Variants in EPHA10 observed in about 807,000 individuals in gnomAD.
EPHA10 encodes ephrin type-A receptor 10.
Under a neutral mutation model 109.7 loss-of-function variants are expected in EPHA10, and 120 were observed. The ratio of observed to expected loss-of-function variants is 1.09; its 90% CI spans 0.94 to 1.27. EPHA10 has a LOEUF of 1.27. EPHA10 is among the 50% of genes most tolerant of loss of function. EPHA10 has a pLI of 0.00. For missense variants in EPHA10, 1,396 were observed against 1,411.1 expected, an observed-to-expected ratio of 0.99 and a Z score of 0.17; for synonymous variants, 640 against 618.9, an observed-to-expected ratio of 1.03 and a Z score of -0.51.
intron 11 of EPHA10, 52 bp from the exon 12 acceptor site, chr1:37,720,896 C>T (rs763827262): frequency 2.0e-5 from 31 of 1,583,404 alleles, no homozygotes; most frequent in Middle Eastern, 3.3e-4. Flanking sequence ...CCACTCCGCA[C>T]GCACACAAGT....
chr1:37,752,035 C>T (rs575454), intron 5 of EPHA10, among the ~76,000 whole-genome samples: 52,795 of 151,898 alleles, frequency 0.35, 9,194 homozygotes, highest in Middle Eastern at 0.47. Flanking sequence ...AAGACAGAAG[C>T]GGGATCACAG....
At chr1:37,720,278 G>A in intron 13 of EPHA10, 73 bp downstream of exon 13, 2 of 1,487,612 alleles carry the variant, frequency 1.3e-6, no homozygotes, top group Admixed American at 2.1e-5. Flanking sequence ...AGTAGAAGTG[G>A]GGAGTTAAGG....
At chr1:37,730,065 C>G (rs922470444) in intron 7 of EPHA10, among the ~76,000 whole-genome samples, 9 of 152,100 alleles carry the variant, frequency 5.9e-5, no homozygotes, top group Non-Finnish European at 1.3e-4. Context: ...GCCCCCACTA[C>G]GCCCACTCCA....
intron 7 of EPHA10, among the ~76,000 whole-genome samples, chr1:37,731,171 C>T (rs1168358999): frequency 6.6e-6 from 1 of 152,162 alleles, no homozygotes; most frequent in Non-Finnish European, 1.5e-5. Context: ...TTCACAAATC[C>T]CTCTCCTGTG....
chr1:37,742,072 T>A (rs1387535515), intron 5 of EPHA10, among the ~76,000 whole-genome samples: 1 of 152,190 alleles, frequency 6.6e-6, no homozygotes, highest in Non-Finnish European at 1.5e-5. Context: ...TAGAAGATGG[T>A]TCCATCTCAG....
intron 10 of EPHA10, among the ~76,000 whole-genome samples, chr1:37,722,620 T>C (rs1645817779): frequency 6.6e-6 from 1 of 152,174 alleles, no homozygotes; most frequent in Non-Finnish European, 1.5e-5. Context: ...ATCATGCCCA[T>C]TTCTCAGATG....
intron 5 of EPHA10, among the ~76,000 whole-genome samples, chr1:37,743,894 A>G (rs1416049752): frequency 7.8e-6 from 1 of 128,964 alleles, no homozygotes; most frequent in African/African-American, 3.0e-5. Flanking sequence ...GTATATATAG[A>G]TAGATATAGA....
Position 37,754,136 on chromosome 1 carries a change from C to T in EPHA10, c.1006+79G>A. The T allele has an allele frequency of 2.4e-6, 3 of 1,243,496 alleles. No homozygotes were observed. Among genetic ancestry groups the T allele is most frequent in the Non-Finnish European group, 3.0e-6 (3 of 985,768 alleles). The allele number at this position is 1,243,496 out of a possible 1,614,324, so 77.0% of individuals were successfully genotyped here. ...CCCCAGTGCGGAGACCCTGCCCTCA[C>T]CACCACCTGGATCAGGCCTTCCTTC... On this transcript the variant is annotated intron_variant, in intron 4 of 16. Transcript: ENST00000373048. This position sits in a 1 kb window ranked among gnomAD's most constrained non-coding sequence, Gnocchi z 4.5.
rs192576030 is a variant in EPHA10, at chr1:37,717,633, C to T, written c.*739G>A. On this transcript the variant is annotated 3_prime_UTR_variant, in exon 17 of 17. Coordinates refer to ENST00000373048, the MANE Select transcript of EPHA10 (RefSeq NM_001099439.2). ...ACTAAGTTCATAAAAGGAATGCACACGAGGGCCTCATGGGGCCCCAGGGAG... is the reference window on the plus strand; with the variant it reads ...ACTAAGTTCATAAAAGGAATGCACATGAGGGCCTCATGGGGCCCCAGGGAG... The T allele has an allele frequency of 6.9e-5, 16 of 231,534 alleles. No homozygotes were observed. The highest frequency in any genetic ancestry group is 2.2e-4 in the African/African-American group (10 of 45,314). The allele number at this position is 231,534 out of a possible 1,614,324, so 14.3% of individuals were successfully genotyped here. A position where few individuals can be genotyped will look rare whatever the true frequency, so the allele number is the denominator to read the frequency against.
rs1168635328 is a variant in EPHA10 at position 37,731,417 on chromosome 1, CCAGGGTCTGTACTT to C, written c.1643_1656del (p.Glu548GlyfsTer52). The stretch of plus-strand genomic sequence containing the variant: ...ACTCACACACACTACTTACCCTCCC[CCAGGGTCTGTACTT>C]CAATGCTGGGGTTAAAACTCTGGGC... On this transcript the variant is annotated frameshift_variant, in exon 7 of 17. Transcript: ENST00000373048. LOFTEE classifies it high-confidence loss of function. 1 of 1,606,166 alleles carries C rather than the reference CCAGGGTCTGTACTT, an allele frequency of 6.2e-7. No homozygotes were observed. The highest frequency in any genetic ancestry group is 1.1e-5 in the South Asian group (1 of 89,914).
intron 5 of EPHA10, among the ~76,000 whole-genome samples, chr1:37,742,577 AAT>A (rs1646171088): frequency 7.2e-5 from 5 of 69,118 alleles, no homozygotes; most frequent in South Asian, 5.5e-4. Context: ...ATGTGATGAG[AAT>A]GGCAGAGTGG....
rs563633755 is a variant in EPHA10, at chr1:37,720,614, C to G, written c.2209-60G>C. 1,459 of 1,562,374 alleles carry G rather than the reference C, an allele frequency of 9.3e-4. 3 individuals are homozygous for G. Among genetic ancestry groups the G allele is most frequent in the South Asian group, 3.6e-3 (313 of 86,290 alleles). On this transcript the variant is annotated intron_variant, in intron 12 of 16. Coordinates refer to ENST00000373048, the MANE Select transcript of EPHA10 (RefSeq NM_001099439.2). ...GCTTGGATCCCCTGGTGTTGTGTGA[C>G]ACCAGGGCGGTCACCTAGCTCTCGC...
chr1:37,718,635 C>T (rs1419813860), intron 16 of EPHA10, 26 bp downstream of exon 16: 1 of 1,613,132 alleles, frequency 6.2e-7, no homozygotes, highest in Non-Finnish European at 8.5e-7. Context: ...CCAGCCCCGG[C>T]CTTGACCTTG....
rs1002878004 is a variant in EPHA10 at position 37,761,309 on chromosome 1, GA to G, written c.850+95del. 276 of 1,544,690 alleles carry G rather than the reference GA, an allele frequency of 1.8e-4. 1 individual carries two copies. The highest frequency in any genetic ancestry group is 3.4e-4 in the South Asian group (28 of 81,922). ...GTCCAAGGCTTCTCCACCGCCCCCCGACCCCACACCCGCCTCTTTCCTCTAG... is the reference window on the plus strand; with the variant it reads ...GTCCAAGGCTTCTCCACCGCCCCCCGCCCCACACCCGCCTCTTTCCTCTAG... On this transcript the variant is annotated intron_variant, in intron 3 of 16. Coordinates refer to ENST00000373048, the MANE Select transcript of EPHA10 (RefSeq NM_001099439.2).
rs1218954142 is a variant in EPHA10, at chr1:37,761,595, C to T, written c.660G>A (p.Thr220=). The change falls in exon 3 of 17, where the codon ACG becomes ACA. Residue 220 remains threonine (T), a synonymous_variant. Coordinates refer to ENST00000373048, the MANE Select transcript of EPHA10 (RefSeq NM_001099439.2). The stretch of plus-strand genomic sequence containing the variant: ...CGCTCTCGGCTGCGGTGGCTGGGAA[C>T]GTGGCCAGGCCCCGCACGGTGGCGC... ...QCRATVRGLA[T]FPATAAESAF... The T allele has an allele frequency of 1.2e-6, 2 of 1,600,094 alleles. No homozygotes were observed. Among genetic ancestry groups the T allele is most frequent in the Non-Finnish European group, 1.7e-6 (2 of 1,177,618 alleles).
chr1:37,753,657 G>T (rs1355434714), intron 4 of EPHA10, among the ~76,000 whole-genome samples: 3 of 33,514 alleles, frequency 9.0e-5, no homozygotes, highest in African/African-American at 2.6e-4. Flanking sequence ...CGGGAGCAGG[G>T]GCGAGCGGGA....
At position 37,761,810 on chromosome 1, in the gene EPHA10, G is replaced by A; in HGVS notation, c.445C>T (p.Pro149Ser). ...RGRPRLGGSR[P>S]RKIDTIAADE... Reference sequence around the variant, plus strand: ...GCCGCGATCGTGTCGATTTTGCGGGGCCGGCTGCCGCCTAGGCGGGGACGC... The same window carrying A: ...GCCGCGATCGTGTCGATTTTGCGGGACCGGCTGCCGCCTAGGCGGGGACGC... Residue 149 changes from proline (P) to serine (S), a missense_variant, in exon 3 of 17, where the codon CCC becomes TCC. Pro to Ser is a moderately conservative substitution (Grantham distance 74). Coordinates refer to ENST00000373048, the MANE Select transcript of EPHA10 (RefSeq NM_001099439.2). 1 of 1,613,590 alleles carries A rather than the reference G, an allele frequency of 6.2e-7. No individual in the cohort carries two copies. Among genetic ancestry groups the A allele is most frequent in the Non-Finnish European group, 8.5e-7 (1 of 1,179,736 alleles).
intron 5 of EPHA10, among the ~76,000 whole-genome samples, chr1:37,741,231 G>C (rs1215248295): frequency 6.6e-6 from 1 of 152,252 alleles, no homozygotes; most frequent in Non-Finnish European, 1.5e-5. Flanking sequence ...CTCAGCACCA[G>C]CATTCCAGCA....
chr1:37,728,128 G>C (rs755935412), intron 7 of EPHA10, among the ~76,000 whole-genome samples: 1 of 152,192 alleles, frequency 6.6e-6, no homozygotes, highest in Admixed American at 6.5e-5. Flanking sequence ...AGACTGGAAG[G>C]ATTTTTGATG....
Sources: allele counts gnomAD v4.1 joint callset (sites outside exome capture counted in the v4.1 genomes callset), GRCh38; gene constraint gnomAD v4.1.1; non-coding constraint Gnocchi (gnomAD v3.1); transcripts MANE v1.5; gene names NCBI Gene and HGNC (gene_info 2026-07-23, HGNC 2026-07-21).